Variants in CPSF6 observed in about 807,000 individuals in gnomAD.
CPSF6 encodes cleavage and polyadenylation specific factor 6, also known as cleavage and polyadenylation specificity factor subunit 6.
A neutral mutation model predicts 56.7 loss-of-function variants in CPSF6; 10 were observed. The observed-to-expected ratio is 0.18, with a 90% confidence interval of 0.11 to 0.30. CPSF6 has a LOEUF of 0.30. Among genes scored for constraint, CPSF6 ranks in the 10% least tolerant of loss-of-function variants. CPSF6 has a pLI of 1.00. For missense variants in CPSF6, 419 were observed against 722.9 expected (o/e 0.58, Z 4.82); for synonymous variants, 248 against 244.8 (o/e 1.01, Z -0.12).
At chr12:69,252,984 A>G (rs1259154855) in intron 2 of CPSF6, 67 bp from the exon 3 acceptor site, 1 of 894,332 alleles carries the variant, frequency 1.1e-6, no homozygotes, top group African/African-American at 1.7e-5. Context: ...CCCCTTAAAA[A>G]CTAGACTGGG....
intron 9 of CPSF6, among the ~76,000 whole-genome samples, chr12:69,265,598 CTTTTTTTTT>C (rs56097101): frequency 4.0e-5 from 4 of 99,802 alleles, no homozygotes; most frequent in Admixed American, 2.2e-4. Context: ...TATCTGATTA[CTTTTTTTTT>C]TTTTTTTTTT....
Position 69,260,208 on chromosome 12 carries a change from C to A in CPSF6, c.1469+11C>A, listed in dbSNP as rs764487018. 6.5e-7 allele frequency: 1 copy of A among 1,546,520 alleles called. No individual in the cohort carries two copies. Among genetic ancestry groups the A allele is most frequent in the African/African-American group, 1.4e-5 (1 of 71,008 alleles). ...TGGTTCTGGATCAAGGTAAAACTTT[C>A]CTGTCTCATTTCCATTTAAAAAAAC... is the stretch of plus-strand genomic sequence containing the variant. On this transcript the variant is annotated intron_variant, in intron 8 of 9. Transcript: ENST00000435070.
At chr12:69,259,217 C>A (rs569827450) in intron 6 of CPSF6, 123 bp downstream of exon 6, 2 of 1,273,322 alleles carry the variant, frequency 1.6e-6, no homozygotes, top group Non-Finnish European at 2.1e-6. Context: ...GGTGTTTAAG[C>A]TGCTACCCTG....
intron 2 of CPSF6, chr12:69,252,078 T>C (rs1012516497): frequency 1.0e-4 from 46 of 455,762 alleles, no homozygotes; most frequent in African/African-American, 9.0e-4. Context: ...TACATTTCTT[T>C]TTTTCAGGGG....
intron 1 of CPSF6, among the ~76,000 whole-genome samples, chr12:69,248,228 T>C (rs1872017637): frequency 6.6e-6 from 1 of 152,210 alleles, no homozygotes; most frequent in South Asian, 2.1e-4. Flanking sequence ...TTGTAGCTAA[T>C]AGAAGAAAAC....
At chr12:69,260,468 C>T (rs892376598) in intron 8 of CPSF6, among the ~76,000 whole-genome samples, 3 of 152,170 alleles carry the variant, frequency 2.0e-5, no homozygotes, top group Non-Finnish European at 4.4e-5. Flanking sequence ...TCTCCCCTTA[C>T]TCACTGTTCT....
chr12:69,250,922 A>G (rs1042569600), intron 1 of CPSF6, among the ~76,000 whole-genome samples: 3 of 152,238 alleles, frequency 2.0e-5, no homozygotes, highest in Non-Finnish European at 4.4e-5. Context: ...CTGGGATTAC[A>G]GGTGTGAGCC....
intron 9 of CPSF6, among the ~76,000 whole-genome samples, chr12:69,264,012 G>C (rs1207661894): frequency 6.6e-6 from 1 of 152,014 alleles, no homozygotes; most frequent in East Asian, 1.9e-4. Context: ...AATTGATATT[G>C]TTTTTGAATG....
chr12:69,255,637 G>A (rs1872471224), intron 3 of CPSF6, among the ~76,000 whole-genome samples: 1 of 152,126 alleles, frequency 6.6e-6, no homozygotes, highest in Non-Finnish European at 1.5e-5. Context: ...TGCCTCCCAG[G>A]TTCAAGCGAT....
rs1872583811 is a variant in CPSF6 at position 69,258,017 on chromosome 12, G to A, written c.694+112G>A. The A allele has an allele frequency of 3.9e-6, 6 of 1,535,630 alleles. No homozygotes were observed. The highest frequency in any genetic ancestry group is 5.3e-6 in the Non-Finnish European group (6 of 1,135,530). On this transcript the variant is annotated intron_variant, in intron 5 of 9. Coordinates refer to ENST00000435070, the MANE Select transcript of CPSF6 (RefSeq NM_007007.3). This position sits in a 1 kb window ranked among gnomAD's most constrained non-coding sequence, Gnocchi z 4.2. ...TAATGTGACTTACTCTCCTTGTTATGCTATTTTTGGAATCCAGGAAATTTG... is the reference window on the plus strand; with the variant it reads ...TAATGTGACTTACTCTCCTTGTTATACTATTTTTGGAATCCAGGAAATTTG...
intron 8 of CPSF6, among the ~76,000 whole-genome samples, chr12:69,261,368 G>T (rs780030532): frequency 1.6e-4 from 25 of 152,246 alleles, no homozygotes; most frequent in Middle Eastern, 3.4e-3. Context: ...AGGAGTTTGA[G>T]ACCAGCCTTG....
Position 69,258,213 on chromosome 12 carries a change from C to T in CPSF6, c.694+308C>T, listed in dbSNP as rs1178241649. The stretch of plus-strand genomic sequence containing the variant: ...ATTTACATCCGTCTTACTTTCTTAC[C>T]TCTTAAAAAAATCCTTTCAAGATCA... On this transcript the variant is annotated intron_variant, in intron 5 of 9. Transcript: ENST00000435070. The surrounding 1 kb of genome is among the most constrained non-coding windows in gnomAD (Gnocchi z 4.2). 9 of 907,278 alleles carry T rather than the reference C, an allele frequency of 9.9e-6. No homozygotes were observed. Among genetic ancestry groups the T allele is most frequent in the Non-Finnish European group, 1.5e-5 (9 of 600,960 alleles). The allele number at this position is 907,278 out of a possible 1,614,324, so 56.2% of individuals were successfully genotyped here. A position where few individuals can be genotyped will look rare whatever the true frequency, so the allele number is the denominator to read the frequency against.
At chr12:69,256,933 A>C (rs546319613) in intron 4 of CPSF6, 91 bp downstream of exon 4, 20 of 1,073,872 alleles carry the variant, frequency 1.9e-5, no homozygotes, top group Non-Finnish European at 2.3e-5. Context: ...TCTTAATACT[A>C]GCTCACTAGG....
intron 1 of CPSF6, among the ~76,000 whole-genome samples, chr12:69,241,322 A>T (rs934806063): frequency 6.6e-6 from 1 of 152,240 alleles, no homozygotes; most frequent in Non-Finnish European, 1.5e-5. Context: ...AGTGCAACAC[A>T]GGTTCTAACG....
rs897357895 is a variant in CPSF6 at position 69,270,855 on chromosome 12, T to G, written c.*1347T>G. 2 of 151,770 alleles carry G rather than the reference T, an allele frequency of 1.3e-5. No individual in the cohort carries two copies. The highest frequency in any genetic ancestry group is 4.8e-5 in the African/African-American group (2 of 41,422). 9.4% of individuals were successfully genotyped at this position (151,770 alleles called of 1,614,324 possible). On this transcript the variant is annotated 3_prime_UTR_variant, in exon 10 of 10. Coordinates refer to ENST00000435070, the MANE Select transcript of CPSF6 (RefSeq NM_007007.3). ...GGGAATGTAATTTGAAATCACTACT[T>G]CAGAAATTTGACTTAAAATTCTTGA... is the stretch of plus-strand genomic sequence containing the variant.
chr12:69,242,656 A>G (rs555768437), intron 1 of CPSF6, among the ~76,000 whole-genome samples: 55 of 152,194 alleles, frequency 3.6e-4, no homozygotes, highest in Admixed American at 3.6e-3. Flanking sequence ...CATCTTCCAA[A>G]CCTCTCTATT....
At chr12:69,251,394 A>G (rs751911807) in intron 2 of CPSF6, 56 bp downstream of exon 2, 13 of 1,130,908 alleles carry the variant, frequency 1.1e-5, no homozygotes, top group Non-Finnish European at 1.5e-5. Context: ...GAACTGCTCT[A>G]GTAATTAATG....
In CPSF6 at chr12:69,259,441, G is replaced by A; in HGVS notation, c.1213G>A (p.Ala405Thr). 1 of 1,612,730 alleles carries A rather than the reference G, an allele frequency of 6.2e-7. No homozygotes were observed. Among genetic ancestry groups the A allele is most frequent in the Non-Finnish European group, 8.5e-7 (1 of 1,179,454 alleles). The change falls in exon 7 of 10, where the codon GCA becomes ACA. Residue 405 changes from alanine to threonine, a missense_variant. Physicochemically the swap from Ala to Thr is moderately conservative, Grantham distance 58. Coordinates refer to ENST00000435070, the MANE Select transcript of CPSF6 (RefSeq NM_007007.3). ...TTTGTTTTACAGGGAAATGGATACT[G>A]CAAGAACGCCATTGAGTGAAGCTGA... ...YGPPGREMDT[A>T]RTPLSEAEFE...
chr12:69,252,155 G>A (rs1362494645), intron 2 of CPSF6: 2 of 451,132 alleles, frequency 4.4e-6, no homozygotes, highest in Non-Finnish European at 8.9e-6. Flanking sequence ...GCTCACTGAA[G>A]CCTCAAACTC....
Sources: gnomAD v4.1 joint callset for allele counts (sites outside exome capture counted in the v4.1 genomes callset) on GRCh38, gnomAD v4.1.1 for gene constraint, Gnocchi (gnomAD v3.1) non-coding constraint, MANE v1.5 for transcripts, NCBI Gene and HGNC (gene_info 2026-07-23, HGNC 2026-07-21) for gene names.